Variants in TCEAL2 observed in about 807,000 individuals in gnomAD.
TCEAL2 encodes the protein transcription elongation factor A protein-like 2.
For synonymous variants in TCEAL2, 65 were observed against 57.9 expected (o/e 1.12, Z -0.55); for missense variants, 169 against 166.6 (o/e 1.01, Z -0.08).
At chrX:102,126,783 C>G (rs776554143) in intron 2 of TCEAL2, 21 bp from the exon 3 acceptor site, 4 of 1,155,392 alleles carry the variant, frequency 3.5e-6, no homozygotes, top group Non-Finnish European at 4.6e-6. Flanking sequence ...GTCTCCTCTT[C>G]CCTCCACACC....
chrX:102,127,573 T>C lies in TCEAL2; in HGVS notation c.*59T>C. On this transcript the variant is annotated 3_prime_UTR_variant, in exon 3 of 3. Coordinates refer to ENST00000372780, the MANE Select transcript of TCEAL2 (RefSeq NM_080390.4). ...TTAACCTTATGGTAATACTTTGCTTTAGTCGTTCCTCCTGCTACCAGTAGC... is the reference window on the plus strand; with the variant it reads ...TTAACCTTATGGTAATACTTTGCTTCAGTCGTTCCTCCTGCTACCAGTAGC... The C allele has an allele frequency of 9.0e-7, 1 of 1,105,479 alleles. No individual in the cohort carries two copies. The allele number at this position is 1,105,479 out of a possible 1,213,427, so 91.1% of individuals were successfully genotyped here.
chrX:102,127,698 C>T lies in TCEAL2; in HGVS notation c.*184C>T. 2.4e-6 allele frequency: 1 copy of T among 420,254 alleles called. No individual in the cohort carries two copies. The allele number at this position is 420,254 out of a possible 1,213,427, so 34.6% of individuals were successfully genotyped here. ...CGTCATGATTCGTGGAAAAATAAAGCAGCTTATAATATCATCTACAGAATC... is the reference window on the plus strand; with the variant it reads ...CGTCATGATTCGTGGAAAAATAAAGTAGCTTATAATATCATCTACAGAATC... On this transcript the variant is annotated 3_prime_UTR_variant, in exon 3 of 3. Transcript: ENST00000372780.
At position 102,127,545 on chromosome X, in the gene TCEAL2, G is replaced by C. The variant is rs1343402057; in HGVS notation, c.*31G>C. The C allele has an allele frequency of 8.8e-7, 1 of 1,136,072 alleles. No homozygotes were observed. Among genetic ancestry groups the C allele is most frequent in the African/African-American group, 1.8e-5 (1 of 54,395 alleles). The allele number at this position is 1,136,072 out of a possible 1,213,427, so 93.6% of individuals were successfully genotyped here. A position where few individuals can be genotyped will look rare whatever the true frequency, so the allele number is the denominator to read the frequency against. The stretch of plus-strand genomic sequence containing the variant: ...CTGGCAGGCATTTGTCAGGCCATAT[G>C]TTTTAACCTTATGGTAATACTTTGC... On this transcript the variant is annotated 3_prime_UTR_variant, in exon 3 of 3. Transcript: ENST00000372780.
chrX:102,125,954 A>C (rs1207045168), intron 1 of TCEAL2, 148 bp downstream of exon 1: 1 of 110,135 alleles, frequency 9.1e-6, no homozygotes, highest in Non-Finnish European at 1.9e-5. Context: ...GTGGAGGGAG[A>C]ACCCCCGAAG....
Position 102,127,284 on chromosome X carries a change from C to G in TCEAL2, c.454C>G (p.Gln152Glu), listed in dbSNP as rs772278816. Residue 152 changes from glutamine to glutamate, a missense_variant, in exon 3 of 3, where the codon CAA becomes GAA. Physicochemically the swap from Gln to Glu is conservative, Grantham distance 29. Coordinates refer to ENST00000372780, the MANE Select transcript of TCEAL2 (RefSeq NM_080390.4). ...CAAGGGGCTGGCTCAGTACCTCAAG[C>G]AATATAAGGAAGCCATACATGATAT... Reference protein sequence around the residue: ...TNKGLAQYLKQYKEAIHDMNF... With the variant: ...TNKGLAQYLKEYKEAIHDMNF... The G allele has an allele frequency of 5.0e-6, 6 of 1,209,090 alleles. No homozygotes were observed. Among genetic ancestry groups the G allele is most frequent in the African/African-American group, 3.5e-5 (2 of 56,910 alleles).
rs1359420493 is a variant in TCEAL2, at chrX:102,125,821, G to A, written c.-101+15G>A. On this transcript the variant is annotated intron_variant, in intron 1 of 2. Transcript: ENST00000372780. ...GGTCCCCGCAGGTCAGTGTGAAGGC[G>A]TGCGCTGCCGGCGGACCCTGGGACA... The A allele has an allele frequency of 4.5e-5, 5 of 110,283 alleles. No individual in the cohort carries two copies. Among genetic ancestry groups the A allele is most frequent in the African/African-American group, 1.7e-4 (5 of 30,196 alleles). The allele number at this position is 110,283 out of a possible 1,213,427, so 9.1% of individuals were successfully genotyped here. A position where few individuals can be genotyped will look rare whatever the true frequency, so the allele number is the denominator to read the frequency against.
At chrX:102,126,647 C>T (rs1204949537) in intron 2 of TCEAL2, among the ~76,000 whole-genome samples, 157 bp from the exon 3 acceptor site, 3 of 112,677 alleles carry the variant, frequency 2.7e-5, no homozygotes, top group Non-Finnish European at 5.6e-5. Flanking sequence ...TGGTGGGCTA[C>T]GTGGTGGGCA....
intron 2 of TCEAL2, among the ~76,000 whole-genome samples, 166 bp downstream of exon 2, chrX:102,126,611 C>T (rs1932895662): frequency 1.8e-5 from 2 of 112,958 alleles, no homozygotes; most frequent in African/African-American, 6.4e-5. Context: ...TGCCAGGGAA[C>T]AGCTGGCTCA....
chrX:102,127,126 G>A lies in TCEAL2; in HGVS notation c.296G>A (p.Arg99Lys). The stretch of plus-strand genomic sequence containing the variant: ...GAGGGAAAGCCAGAGAGAGGGGGAA[G>A]GGCAGAGGGTGAAGGAGAGCCAGAC... ...KTEGKPERGGRAEGEGEPDSE... is the reference protein window; with the variant it reads ...KTEGKPERGGKAEGEGEPDSE... The change falls in exon 3 of 3, where the codon AGG becomes AAG. Residue 99 changes from arginine to lysine, a missense_variant. Coordinates refer to ENST00000372780, the MANE Select transcript of TCEAL2 (RefSeq NM_080390.4). 2.5e-6 allele frequency: 3 copies of A among 1,201,732 alleles called. No individual in the cohort carries two copies. The South Asian group carries it at 5.3e-5, about 21-fold the overall frequency.
At position 102,126,995 on chromosome X, in the gene TCEAL2, G is replaced by C; in HGVS notation, c.165G>C (p.Glu55Asp). ...GNTENTGKRV[E>D]EPLKDKEKPE... The stretch of plus-strand genomic sequence containing the variant: ...CAGAAAACACGGGCAAGAGAGTTGA[G>C]GAACCGTTAAAGGATAAAGAAAAGC... The change falls in exon 3 of 3, where the codon GAG becomes GAC. Residue 55 changes from glutamate (E) to aspartate (D), a missense_variant. Physicochemically the swap from Glu to Asp is conservative, Grantham distance 45 (BLOSUM62 2). Transcript: ENST00000372780. 3 of 1,211,216 alleles carry C rather than the reference G, an allele frequency of 2.5e-6. No homozygotes were observed. Among genetic ancestry groups the C allele is most frequent in the Non-Finnish European group, 3.4e-6 (3 of 895,286 alleles).
rs1932904234 is a variant in TCEAL2 at position 102,127,569 on chromosome X, G to A, written c.*55G>A. ...TGTTTTAACCTTATGGTAATACTTT[G>A]CTTTAGTCGTTCCTCCTGCTACCAG... is the stretch of plus-strand genomic sequence containing the variant. On this transcript the variant is annotated 3_prime_UTR_variant, in exon 3 of 3. Transcript: ENST00000372780. The A allele has an allele frequency of 2.7e-6, 3 of 1,110,529 alleles. No individual in the cohort carries two copies. The highest frequency in any genetic ancestry group is 3.7e-5 in the African/African-American group (2 of 54,544). The allele number at this position is 1,110,529 out of a possible 1,213,427, so 91.5% of individuals were successfully genotyped here. A position where few individuals can be genotyped will look rare whatever the true frequency, so the allele number is the denominator to read the frequency against.
rs181755164 is a variant in TCEAL2, at chrX:102,126,904, C to T, written c.74C>T (p.Pro25Leu). The T allele has an allele frequency of 4.1e-6, 5 of 1,210,093 alleles. No homozygotes were observed. Among genetic ancestry groups the T allele is most frequent in the African/African-American group, 3.5e-5 (2 of 57,298 alleles). Residue 25 changes from proline to leucine, a missense_variant, in exon 3 of 3, where the codon CCG becomes CTG. Physicochemically the swap from Pro to Leu is moderately conservative, Grantham distance 98. Coordinates refer to ENST00000372780, the MANE Select transcript of TCEAL2 (RefSeq NM_080390.4). Reference protein sequence around the residue: ...QGKIDNEEQPPHEGKPEVACI... With the variant: ...QGKIDNEEQPLHEGKPEVACI... Reference sequence around the variant, plus strand: ...AAGATAGACAATGAAGAACAGCCACCGCACGAGGGAAAGCCAGAAGTAGCT... The same window carrying T: ...AAGATAGACAATGAAGAACAGCCACTGCACGAGGGAAAGCCAGAAGTAGCT...
At position 102,126,827 on chromosome X, in the gene TCEAL2, C is replaced by G. The variant is rs1932897247; in HGVS notation, c.-4C>G. 8.3e-7 allele frequency: 1 copy of G among 1,200,404 alleles called. No homozygotes were observed. The highest frequency in any genetic ancestry group is 1.1e-6 in the Non-Finnish European group (1 of 891,080). On this transcript the variant is annotated 5_prime_UTR_variant, in exon 3 of 3. Coordinates refer to ENST00000372780, the MANE Select transcript of TCEAL2 (RefSeq NM_080390.4). The stretch of plus-strand genomic sequence containing the variant: ...AGGAAAGGAAAAGGAGGGGAAATCT[C>G]GACATGGAAAAACTCTTCAATGAAA...
chrX:102,126,286 G>C, intron 1 of TCEAL2, 87 bp from the exon 2 acceptor site: 2 of 712,995 alleles, frequency 2.8e-6, no homozygotes, highest in Non-Finnish European at 3.9e-6. Context: ...CGGTGGGTAA[G>C]CAGGGCCTGG....
chrX:102,126,329 C>T (rs1932892546), intron 1 of TCEAL2, 44 bp from the exon 2 acceptor site: 1 of 950,951 alleles, frequency 1.1e-6, no homozygotes, highest in African/African-American at 1.9e-5. Context: ...CCTGTGAGCC[C>T]GCTAAGCGCG....
In TCEAL2 at chrX:102,127,398, GC is replaced by G; in HGVS notation, c.569del (p.Ala190GlyfsTer51). 8 of 1,211,071 alleles carry G rather than the reference GC, an allele frequency of 6.6e-6. No homozygotes were observed. Among genetic ancestry groups the G allele is most frequent in the Non-Finnish European group, 8.9e-6 (8 of 895,347 alleles). On this transcript the variant is annotated frameshift_variant, in exon 3 of 3. Transcript: ENST00000372780. LOFTEE classifies it low-confidence loss of function (END_TRUNC). ...GAGAAAAAGCAAACAGAAATTGGGG[GC>G]GTTTTTGTGGATGCAAAGAAATTTA... ...KRRKSKQKLGAFLWMQRNLQD... is the reference protein window; with the variant it reads ...KRRKSKQKLGXFLWMQRNLQD...
rs5944858 is a variant in TCEAL2, at chrX:102,127,445, G to A, written c.615G>A (p.Arg205=). 182,828 of 1,199,996 alleles carry A rather than the reference G, an allele frequency of 0.15. 10,478 individuals are homozygous for A. Among genetic ancestry groups the A allele is most frequent in the Middle Eastern group, 0.2 (848 of 4,224 alleles). ...QRNLQDPFYP[R]GPREFRGGCR... ...ATTTACAGGACCCCTTCTATCCTAG[G>A]GGTCCAAGGGAATTCAGGGGTGGCT... The change falls in exon 3 of 3, where the codon AGG becomes AGA. Residue 205 remains arginine, a synonymous_variant. Transcript: ENST00000372780.
chrX:102,126,726 A>C (rs1394306099), intron 2 of TCEAL2, 78 bp from the exon 3 acceptor site: 8 of 954,974 alleles, frequency 8.4e-6, no homozygotes, highest in Non-Finnish European at 1.2e-5. Context: ...AGTAGTATCC[A>C]GACCTGCATT....
At position 102,127,448 on chromosome X, in the gene TCEAL2, T is replaced by G. The variant is rs1315214767; in HGVS notation, c.618T>G (p.Gly206=). The G allele has an allele frequency of 8.3e-7, 1 of 1,198,928 alleles. No individual in the cohort carries two copies. Among genetic ancestry groups the G allele is most frequent in the African/African-American group, 1.8e-5 (1 of 56,338 alleles). The change falls in exon 3 of 3, where the codon GGT becomes GGG. Residue 206 remains glycine, a synonymous_variant. Transcript: ENST00000372780. ...TACAGGACCCCTTCTATCCTAGGGG[T>G]CCAAGGGAATTCAGGGGTGGCTGCA... ...RNLQDPFYPR[G]PREFRGGCRA...
Sources: allele counts gnomAD v4.1 joint callset (sites outside exome capture counted in the v4.1 genomes callset), GRCh38; gene constraint gnomAD v4.1.1; transcripts MANE v1.5; gene names NCBI Gene and HGNC (gene_info 2026-07-23, HGNC 2026-07-21).